Variants in CORO2B observed in about 807,000 individuals in gnomAD.
CORO2B encodes coronin-2B.
CORO2B carries 26 observed loss-of-function variants against 58.8 expected under a neutral mutation model. The observed-to-expected ratio is 0.44, with a 90% CI of 0.32 to 0.61. The LOEUF (loss-of-function observed/expected upper bound fraction) is 0.61, where lower values mean the gene tolerates loss of function less well. Ranked by LOEUF, CORO2B falls within the 20% of genes least tolerant of loss-of-function variation. CORO2B has a pLI of 0.04. For missense variants in CORO2B, 460 were observed against 645.1 expected, an observed-to-expected ratio of 0.71 and a Z score of 3.11; for synonymous variants, 242 against 253.8, an observed-to-expected ratio of 0.95 and a Z score of 0.44.
At chr15:68,653,891 C>A (rs1292777618) in intron 2 of CORO2B, among the ~76,000 whole-genome samples, 1 of 151,156 alleles carries the variant, frequency 6.6e-6, no homozygotes, top group Non-Finnish European at 1.5e-5. Flanking sequence ...ATCTTCATCA[C>A]TGCTCTGCAG....
chr15:68,646,481 G>T (rs1027196016), intron 2 of CORO2B, among the ~76,000 whole-genome samples: 1 of 152,178 alleles, frequency 6.6e-6, no homozygotes, highest in Non-Finnish European at 1.5e-5. Flanking sequence ...TACCCACAGT[G>T]GGGGAGCACA....
chr15:68,546,267 A>G, the CORO2B span, among the ~76,000 whole-genome samples: 1 of 152,160 alleles, frequency 6.6e-6, no homozygotes, highest in Non-Finnish European at 1.5e-5. Context: ...ATTTGCTTCA[A>G]GGCTTCCCAG....
At chr15:68,641,554 T>G in intron 1 of CORO2B, 1 of 985,222 alleles carries the variant, frequency 1.0e-6, no homozygotes. Context: ...GCACAGAAAC[T>G]GCGGGCCGCT....
At chr15:68,677,778 C>T (rs999712599) in intron 2 of CORO2B, among the ~76,000 whole-genome samples, 32 of 152,290 alleles carry the variant, frequency 2.1e-4, no homozygotes, top group Admixed American at 1.8e-3. Flanking sequence ...TTCTGTGTGT[C>T]TCCTGCCTCC....
At chr15:68,630,660 T>C (rs1900803482) in intron 1 of CORO2B, among the ~76,000 whole-genome samples, 1 of 152,150 alleles carries the variant, frequency 6.6e-6, no homozygotes, top group African/African-American at 2.4e-5. Context: ...CAAGACTGAC[T>C]CAAGCTCTAG....
chr15:68,582,260 CTTTA>C (rs971156154), intron 1 of CORO2B, among the ~76,000 whole-genome samples: 2 of 152,156 alleles, frequency 1.3e-5, no homozygotes, highest in African/African-American at 4.8e-5. Flanking sequence ...ATGTTTTAAA[CTTTA>C]TTTGATTGTA....
chr15:68,682,679 C>A (rs903266077), intron 2 of CORO2B, among the ~76,000 whole-genome samples: 2 of 152,126 alleles, frequency 1.3e-5, no homozygotes, highest in Non-Finnish European at 1.5e-5. Context: ...CCCTGCCCCC[C>A]AAAAATGCCT....
chr15:68,597,832 G>A (rs969163510), intron 1 of CORO2B, among the ~76,000 whole-genome samples: 3 of 152,166 alleles, frequency 2.0e-5, no homozygotes, highest in Admixed American at 2.0e-4. Flanking sequence ...TGGCTGGTGT[G>A]GAGGCATCTG....
intron 1 of CORO2B, among the ~76,000 whole-genome samples, chr15:68,603,683 C>T (rs571222853): frequency 2.2e-4 from 33 of 150,264 alleles, no homozygotes; most frequent in African/African-American, 6.8e-4. Flanking sequence ...TCACTCTCTC[C>T]GCATCTGCAC....
In CORO2B at chr15:68,713,654, A is replaced by G. The variant is rs377731489; in HGVS notation, c.649-271A>G. 3.2e-3 allele frequency among the ~76,000 whole-genome samples: 481 copies of G among 152,184 alleles called. 6 individuals are homozygous for G. The highest frequency in any genetic ancestry group is 0.011 in the African/African-American group (466 of 41,512). On this transcript the variant is annotated intron_variant, in intron 5 of 11. Transcript: ENST00000261861. ...CTCCAGTCTCTGCCTCCAGGGTCAC[A>G]CACCTTCTCCCCTGTGTGTCTCTGT...
intron 1 of CORO2B, among the ~76,000 whole-genome samples, chr15:68,603,192 A>T (rs917824575): frequency 1.3e-5 from 2 of 152,150 alleles, no homozygotes; most frequent in Non-Finnish European, 2.9e-5. Flanking sequence ...ACGCCATGGA[A>T]GTCCCAGGGC....
chr15:68,522,093 C>T, the CORO2B span, among the ~76,000 whole-genome samples: 1 of 152,118 alleles, frequency 6.6e-6, no homozygotes. Context: ...GCAGGCGTGA[C>T]CCACCATGCC....
At chr15:68,605,611 A>G (rs1362956041) in intron 1 of CORO2B, among the ~76,000 whole-genome samples, 1 of 152,136 alleles carries the variant, frequency 6.6e-6, no homozygotes, top group Non-Finnish European at 1.5e-5. Context: ...GTAACTGTGT[A>G]AAAATTATTT....
At chr15:68,682,428 T>C (rs1902821365) in intron 2 of CORO2B, among the ~76,000 whole-genome samples, 1 of 151,566 alleles carries the variant, frequency 6.6e-6, no homozygotes, top group South Asian at 2.1e-4. Flanking sequence ...CTGGGAATCC[T>C]CTCTGACTAC....
intron 3 of CORO2B, among the ~76,000 whole-genome samples, chr15:68,704,922 G>C (rs1892745893): frequency 6.6e-6 from 1 of 152,072 alleles, no homozygotes; most frequent in Non-Finnish European, 1.5e-5. Flanking sequence ...TAACCTCCCA[G>C]AGCAACCTCT....
Position 68,695,235 on chromosome 15 carries a change from C to T in CORO2B, c.312C>T (p.Ala104=), listed in dbSNP as rs1229648109. The T allele has an allele frequency of 1.2e-6, 2 of 1,613,980 alleles. No individual in the cohort carries two copies. Among genetic ancestry groups the T allele is most frequent in the Non-Finnish European group, 1.7e-6 (2 of 1,179,920 alleles). The stretch of plus-strand genomic sequence containing the variant: ...ACCCCTTCATCGACAACATCATTGC[C>T]TCGTGCTCGGAGGACACGTCGGTGA... ...KWNPFIDNII[A]SCSEDTSVRI... The change falls in exon 3 of 12, where the codon GCC becomes GCT. Residue 104 remains alanine (A), a synonymous_variant. Coordinates refer to ENST00000261861, the MANE Select transcript of CORO2B (RefSeq NM_006091.5).
intron 1 of CORO2B, among the ~76,000 whole-genome samples, chr15:68,641,338 A>C (rs1347138153): frequency 6.6e-6 from 1 of 152,214 alleles, no homozygotes; most frequent in African/African-American, 2.4e-5. Context: ...GAGATGGATA[A>C]GGAGTCACTC....
At chr15:68,649,960 A>G (rs991987285) in intron 2 of CORO2B, among the ~76,000 whole-genome samples, 7 of 152,214 alleles carry the variant, frequency 4.6e-5, no homozygotes, top group South Asian at 2.1e-4. Flanking sequence ...ACTGCATTAA[A>G]TGGTCTCGGG....
intron 3 of CORO2B, among the ~76,000 whole-genome samples, chr15:68,703,659 G>A (rs1327184405): frequency 6.6e-6 from 1 of 152,118 alleles, no homozygotes; most frequent in Admixed American, 6.5e-5. Context: ...GTAATAAGCA[G>A]CAGGTCCCTT....
Sources: allele counts gnomAD v4.1 joint callset (sites outside exome capture counted in the v4.1 genomes callset), GRCh38; gene constraint gnomAD v4.1.1; transcripts MANE v1.5; gene names NCBI Gene and HGNC (gene_info 2026-07-23, HGNC 2026-07-21).